The following LILRA5 variants were observed in gnomAD, a reference collection of about 807,000 sequenced individuals.
LILRA5 encodes leukocyte immunoglobulin like receptor A5, also known as leukocyte immunoglobulin-like receptor subfamily A member 5.
In LILRA5, 31 loss-of-function variants were observed where a neutral mutation model predicts 36.3. The ratio of observed to expected loss-of-function variants is 0.85; its 90% CI spans 0.64 to 1.15. LILRA5 has a LOEUF of 1.15. Ranked by LOEUF, LILRA5 falls within the 50% of genes most tolerant of loss-of-function variation. The probability of loss-of-function intolerance (pLI) is 0.00; values close to 1 mark genes in which losing one functional copy is unlikely to be tolerated. For synonymous variants in LILRA5, 144 were observed against 144.8 expected, an observed-to-expected ratio of 0.99 and a Z score of 0.04; for missense variants, 348 against 377.4, an observed-to-expected ratio of 0.92 and a Z score of 0.64.
At chr19:54,307,845 C>T in intron 5 of LILRA5, 97 bp from the exon 6 acceptor site, 3 of 1,015,124 alleles carry the variant, frequency 3.0e-6, no homozygotes, top group Admixed American at 1.8e-5. Context: ...TTCCCTGTGC[C>T]TCTCAACATG....
Position 54,312,554 on chromosome 19 carries a change from A to T in LILRA5, c.71T>A (p.Met24Lys). ...AATCTCACCGAGGCAGAGCAGAACC[A>T]TGAGGGCAGGGCTCACGGCGTCTCC... ...VGGDAVSPAL[M>K]VLLCLGLSLG... Residue 24 changes from methionine (M) to lysine (K), a missense_variant, in exon 2 of 7, where the codon ATG becomes AAG. Physicochemically the swap from Met to Lys is moderately conservative, Grantham distance 95. Transcript: ENST00000432233. 1 of 1,614,182 alleles carries T rather than the reference A, an allele frequency of 6.2e-7. No homozygotes were observed. Among genetic ancestry groups the T allele is most frequent in the Non-Finnish European group, 8.5e-7 (1 of 1,180,020 alleles).
In LILRA5 at chr19:54,311,228, T is replaced by C. The variant is rs1023849076; in HGVS notation, c.712+186A>G. 5 of 1,470,306 alleles carry C rather than the reference T, an allele frequency of 3.4e-6. No homozygotes were observed. The African/African-American group carries it at 7.0e-5, about 21-fold the overall frequency. The allele number at this position is 1,470,306 out of a possible 1,614,324, so 91.1% of individuals were successfully genotyped here. ...GCCTCGGCCTCCCAAAGTGCTGAGATTACACGTGTGAGCCACTGTGCCCAG... is the reference window on the plus strand; with the variant it reads ...GCCTCGGCCTCCCAAAGTGCTGAGACTACACGTGTGAGCCACTGTGCCCAG... On this transcript the variant is annotated intron_variant, in intron 5 of 6. Transcript: ENST00000432233.
intron 1 of LILRA5, 143 bp downstream of exon 1, chr19:54,312,874 G>A (rs79049526): frequency 1.8e-5 from 19 of 1,056,182 alleles, no homozygotes; most frequent in East Asian, 4.9e-5. Flanking sequence ...ACTGAGAGCC[G>A]GGACACAGCA....
Position 54,312,015 on chromosome 19 carries a change from G to A in LILRA5, c.258C>T (p.Pro86=). 6.2e-7 allele frequency: 1 copy of A among 1,614,206 alleles called. No homozygotes were observed. The highest frequency in any genetic ancestry group is 8.5e-7 in the Non-Finnish European group (1 of 1,180,020). Reference sequence around the variant, plus strand: ...GCTCCAGTGGGTTCTGTGTGTCCCAGGGTTCTGGGCTTCCCTCTTTAACCA... The same window carrying A: ...GCTCCAGTGGGTTCTGTGTGTCCCAAGGTTCTGGGCTTCCCTCTTTAACCA... ...YRLVKEGSPE[P]WDTQNPLEPK... Residue 86 remains proline (P), a synonymous_variant, in exon 4 of 7, where the codon CCC becomes CCT. Coordinates refer to ENST00000432233, the MANE Select transcript of LILRA5 (RefSeq NM_021250.4).
chr19:54,312,571 G>C lies in LILRA5; in HGVS notation c.54C>G (p.Ala18=), dbSNP rs201638249. 2 of 1,614,060 alleles carry C rather than the reference G, an allele frequency of 1.2e-6. No homozygotes were observed. Among genetic ancestry groups the C allele is most frequent in the East Asian group, 4.5e-5 (2 of 44,884 alleles). ...GCAGAACCATGAGGGCAGGGCTCAC[G>C]GCGTCTCCTCCCACTGGCTGCAGCT... ...SAQLQPVGGD[A]VSPALMVLLC... is the part of the protein sequence containing the mutation. The change falls in exon 2 of 7, where the codon GCC becomes GCG. Residue 18 remains alanine, a synonymous_variant. Coordinates refer to ENST00000432233, the MANE Select transcript of LILRA5 (RefSeq NM_021250.4).
chr19:54,312,181 C>T, intron 3 of LILRA5, 33 bp from the exon 4 acceptor site: 3 of 1,611,356 alleles, frequency 1.9e-6, no homozygotes, highest in Non-Finnish European at 8.5e-7. Context: ...GCTCCAAGAC[C>T]TCCCCACCCC....
At position 54,311,354 on chromosome 19, in the gene LILRA5, G is replaced by T. The variant is rs770092636; in HGVS notation, c.712+60C>A. ...TAGCAGGGGCTGCCCTGCCTGTAAA[G>T]CTCTCCACAACCTGTCTGGCTTCCC... On this transcript the variant is annotated intron_variant, in intron 5 of 6. Transcript: ENST00000432233. 1.9e-6 allele frequency: 3 copies of T among 1,613,910 alleles called. No homozygotes were observed. The African/African-American group carries it at 4.0e-5, about 22-fold the overall frequency.
At chr19:54,310,334 GC>G (rs1427700624) in intron 5 of LILRA5, 2 of 153,874 alleles carry the variant, frequency 1.3e-5, no homozygotes, top group African/African-American at 4.8e-5. Context: ...TAGGGTAGGG[GC>G]CTGGGAGTCT....
Position 54,312,567 on chromosome 19 carries a change from T to C in LILRA5, c.58A>G (p.Ser20Gly). 1 of 1,614,198 alleles carries C rather than the reference T, an allele frequency of 6.2e-7. No individual in the cohort carries two copies. Among genetic ancestry groups the C allele is most frequent in the Admixed American group, 1.7e-5 (1 of 60,028 alleles). The change falls in exon 2 of 7, where the codon AGC (serine) becomes GGC (glycine). Residue 20 changes from serine to glycine, a missense_variant. By Grantham distance (56) the Ser-to-Gly change is moderately conservative (BLOSUM62 0). Transcript: ENST00000432233. The part of the protein sequence containing the change: ...QLQPVGGDAV[S>G]PALMVLLCLG... ...CAGAGCAGAACCATGAGGGCAGGGC[T>C]CACGGCGTCTCCTCCCACTGGCTGC...
At chr19:54,307,853 A>C in intron 5 of LILRA5, 105 bp from the exon 6 acceptor site, 1 of 910,322 alleles carries the variant, frequency 1.1e-6, no homozygotes, top group Non-Finnish European at 1.8e-6. Flanking sequence ...GCCTCTCAAC[A>C]TGACTTTTAT....
chr19:54,312,822 T>C, intron 1 of LILRA5, 195 bp downstream of exon 1: 1 of 795,658 alleles, frequency 1.3e-6, no homozygotes, highest in Middle Eastern at 3.6e-4. Flanking sequence ...AAGTGGGGTC[T>C]CCCTTCCCCG....
In LILRA5 at chr19:54,313,160, G is replaced by T; in HGVS notation, c.-141C>A. 1.3e-6 allele frequency: 1 copy of T among 793,480 alleles called. No homozygotes were observed. The highest frequency in any genetic ancestry group is 2.1e-6 in the Non-Finnish European group (1 of 471,856). 49.2% of individuals were successfully genotyped at this position (793,480 alleles called of 1,614,324 possible). On this transcript the variant is annotated 5_prime_UTR_variant, in exon 1 of 7. Transcript: ENST00000432233. ...TGCATGTGGCAATGAGCACAGAGGA[G>T]AAATGCAGGGAAATAGGGGAGGAAA...
rs2081024288 is a variant in LILRA5 at position 54,311,853 on chromosome 19, T to C, written c.409+11A>G. On this transcript the variant is annotated intron_variant, in intron 4 of 6. Coordinates refer to ENST00000432233, the MANE Select transcript of LILRA5 (RefSeq NM_021250.4). ...AGAGCCTGGAGCTGGGACCCCAGAG[T>C]GTCCTCTCACCTGTCACCACCAGCT... The C allele has an allele frequency of 2.5e-6, 4 of 1,613,830 alleles. No individual in the cohort carries two copies. Among genetic ancestry groups the C allele is most frequent in the Non-Finnish European group, 3.4e-6 (4 of 1,179,974 alleles).
intron 5 of LILRA5, chr19:54,310,097 T>C: frequency 4.6e-6 from 1 of 217,010 alleles, no homozygotes; most frequent in South Asian, 5.1e-5. Context: ...CTGAGTGGGC[T>C]CAGGGACCCC....
chr19:54,311,359 C>T, intron 5 of LILRA5, 55 bp downstream of exon 5: 2 of 1,614,074 alleles, frequency 1.2e-6, no homozygotes, highest in Admixed American at 1.7e-5. Flanking sequence ...GTAAAGCTCT[C>T]CACAACCTGT....
rs1157927441 is a variant in LILRA5, at chr19:54,311,403, G to A, written c.712+11C>T. On this transcript the variant is annotated intron_variant, in intron 5 of 6. Transcript: ENST00000432233. ...CCTGAATTGTACTAGAGAAGACTGT[G>A]GCTTCCTCACCTGAGACCGGAATCT... 14 of 1,614,058 alleles carry A rather than the reference G, an allele frequency of 8.7e-6. No homozygotes were observed. Among genetic ancestry groups the A allele is most frequent in the Non-Finnish European group, 1.1e-5 (13 of 1,180,030 alleles).
chr19:54,308,372 T>TATAA (rs2080934577), intron 5 of LILRA5: 2 of 37,916 alleles, frequency 5.3e-5, no homozygotes, highest in East Asian at 1.4e-3. Context: ...TATATATATA[T>TATAA]ATATATATAT....
Position 54,313,058 on chromosome 19 carries a change from G to A in LILRA5, c.-39C>T. ...TCAGCCCTGGAGATGCTTCAGGGAAGATGCAGGTCCATGCCACAGGCAGAC... is the reference window on the plus strand; with the variant it reads ...TCAGCCCTGGAGATGCTTCAGGGAAAATGCAGGTCCATGCCACAGGCAGAC... On this transcript the variant is annotated 5_prime_UTR_variant, in exon 1 of 7. Transcript: ENST00000432233. 2 of 1,613,284 alleles carry A rather than the reference G, an allele frequency of 1.2e-6. No individual in the cohort carries two copies. The highest frequency in any genetic ancestry group is 1.7e-6 in the Non-Finnish European group (2 of 1,179,760).
In LILRA5 at chr19:54,311,516, C is replaced by A. The variant is rs2081013110; in HGVS notation, c.610G>T (p.Val204Leu). 1 of 1,614,184 alleles carries A rather than the reference C, an allele frequency of 6.2e-7. No individual in the cohort carries two copies. The highest frequency in any genetic ancestry group is 1.7e-5 in the Admixed American group (1 of 60,018). The change falls in exon 5 of 7, where the codon GTG becomes TTG. Residue 204 changes from valine (V) to leucine (L), a missense_variant. Coordinates refer to ENST00000432233, the MANE Select transcript of LILRA5 (RefSeq NM_021250.4). The part of the protein sequence containing the change: ...QFQALFPVGP[V>L]TPSHRWMLRC... ...AGCATCCACCTGTGGCTGGGGGTCA[C>A]AGGGCCCACAGGGAACAGGGCCTGG...
Sources: allele counts gnomAD v4.1 joint callset, GRCh38; gene constraint gnomAD v4.1.1; transcripts MANE v1.5; gene names NCBI Gene and HGNC (gene_info 2026-07-23, HGNC 2026-07-21).